Variants in CSMD1 observed in about 807,000 individuals in gnomAD.
The protein encoded by CSMD1 is CUB and sushi domain-containing protein 1.
Under a neutral mutation model 417.5 loss-of-function variants are expected in CSMD1, and 213 were observed. The observed-to-expected ratio is 0.51, with a 90% confidence interval of 0.46 to 0.57. The LOEUF (loss-of-function observed/expected upper bound fraction) is 0.57, where lower values mean the gene tolerates loss of function less well. CSMD1 is among the 20% of genes least tolerant of loss of function. The probability of loss-of-function intolerance (pLI) is 0.00; values close to 1 mark genes in which losing one functional copy is unlikely to be tolerated. For synonymous variants in CSMD1, 2,862 were observed against 1,736.8 expected, an observed-to-expected ratio of 1.65 and a Z score of -16.11; for missense variants, 6,923 against 4,529.7, an observed-to-expected ratio of 1.53 and a Z score of -15.17.
At chr8:3,622,366 T>A (rs945144722) in intron 7 of CSMD1, among the ~76,000 whole-genome samples, 1 of 152,238 alleles carries the variant, frequency 6.6e-6, no homozygotes, top group African/African-American at 2.4e-5. Flanking sequence ...GCTTGGTAGT[T>A]AATGCACTTT....
chr8:4,965,914 A>T (rs185592508), intron 1 of CSMD1, among the ~76,000 whole-genome samples: 1 of 152,288 alleles, frequency 6.6e-6, no homozygotes, highest in South Asian at 2.1e-4. Context: ...TTGAAGCAGG[A>T]TGTGTATGTA....
chr8:3,556,505 C>A (rs146726633), intron 10 of CSMD1, among the ~76,000 whole-genome samples: 50 of 126,214 alleles, frequency 4.0e-4, no homozygotes, highest in African/African-American at 1.6e-3. Flanking sequence ...ATACAAACTT[C>A]TTTTTCACAC....
At chr8:3,994,874 T>C (rs182306883) in intron 5 of CSMD1, among the ~76,000 whole-genome samples, 1 of 152,240 alleles carries the variant, frequency 6.6e-6, no homozygotes, top group East Asian at 1.9e-4. Context: ...CTTCTGAGAG[T>C]GCCCTTGCTT....
At chr8:2,949,416 T>A (rs199630799) in intron 67 of CSMD1, 30 bp from the exon 68 acceptor site, 59 of 200,052 alleles carry the variant, frequency 2.9e-4, no homozygotes, top group Non-Finnish European at 4.5e-4. Context: ...AGAAAAGAAA[T>A]AAAAAGGTAT....
chr8:4,188,094 G>C (rs1379404946), intron 3 of CSMD1, among the ~76,000 whole-genome samples: 1 of 152,044 alleles, frequency 6.6e-6, no homozygotes, highest in African/African-American at 2.4e-5. Flanking sequence ...CTGCTGGCAG[G>C]ATGCACGACA....
At chr8:4,124,228 G>C (rs539548524) in intron 3 of CSMD1, among the ~76,000 whole-genome samples, 12 of 152,268 alleles carry the variant, frequency 7.9e-5, no homozygotes, top group Admixed American at 1.3e-4. Context: ...TCCTGGGCAG[G>C]GGAGTGTGAG....
Position 3,540,754 on chromosome 8 carries a change from A to G in CSMD1, c.1344+34191T>C, listed in dbSNP as rs182235799. 5.3e-5 allele frequency among the ~76,000 whole-genome samples: 8 copies of G among 152,380 alleles called. No individual in the cohort carries two copies. The East Asian group carries it at 1.5e-3, about 29-fold the overall frequency. ...GAACAGACACTTCTCAAAAGAAGAC[A>G]TCCATGCAGTCAACAAACATGAAAA... On this transcript the variant is annotated intron_variant, in intron 10 of 69. Transcript: ENST00000635120.
At chr8:3,786,296 G>T (rs973996092) in intron 5 of CSMD1, among the ~76,000 whole-genome samples, 6 of 152,160 alleles carry the variant, frequency 3.9e-5, no homozygotes, top group African/African-American at 1.4e-4. Context: ...GAAGAGACCT[G>T]AGGGTGGAGA....
intron 3 of CSMD1, among the ~76,000 whole-genome samples, chr8:4,078,896 A>AAT (rs1173719388): frequency 0.032 from 1,368 of 42,514 alleles, 27 homozygotes; most frequent in African/African-American, 0.041. Context: ...AATAATAATA[A>AAT]ATATATATAT....
At chr8:2,970,693 A>G (rs1005673295) in intron 57 of CSMD1, among the ~76,000 whole-genome samples, 3 of 152,322 alleles carry the variant, frequency 2.0e-5, no homozygotes, top group Middle Eastern at 3.4e-3. Flanking sequence ...TGTGATCACT[A>G]CATAGAATCA....
chr8:3,179,280 G>C (rs538163039), intron 37 of CSMD1, among the ~76,000 whole-genome samples: 3 of 152,260 alleles, frequency 2.0e-5, no homozygotes, highest in African/African-American at 7.2e-5. Context: ...ATGAAGAATA[G>C]GAACAGAGAA....
At chr8:4,776,932 G>T (rs146597906) in intron 1 of CSMD1, among the ~76,000 whole-genome samples, 3 of 152,104 alleles carry the variant, frequency 2.0e-5, no homozygotes, top group East Asian at 1.9e-4. Context: ...AAGATTAAAG[G>T]CACTGGTGTT....
At chr8:4,429,973 G>T (rs5025174) in intron 2 of CSMD1, among the ~76,000 whole-genome samples, 1 of 151,932 alleles carries the variant, frequency 6.6e-6, no homozygotes, top group Non-Finnish European at 1.5e-5. Flanking sequence ...AGAATCCACT[G>T]GAAGCTGAGC....
At chr8:4,078,987 G>A (rs1417724436) in intron 3 of CSMD1, among the ~76,000 whole-genome samples, 1 of 143,004 alleles carries the variant, frequency 7.0e-6, no homozygotes, top group African/African-American at 2.7e-5. Flanking sequence ...CCACAATGTT[G>A]CATTAACAGT....
intron 25 of CSMD1, among the ~76,000 whole-genome samples, chr8:3,296,487 T>G (rs1434653719): frequency 1.3e-5 from 2 of 152,000 alleles, no homozygotes; most frequent in Admixed American, 1.3e-4. Context: ...ATGCGGGATT[T>G]TAAGGATGAT....
At chr8:3,925,469 G>A (rs1396474432) in intron 5 of CSMD1, among the ~76,000 whole-genome samples, 1 of 152,136 alleles carries the variant, frequency 6.6e-6, no homozygotes, top group East Asian at 1.9e-4. Context: ...AAAAGATAAC[G>A]TTCATAATGC....
chr8:4,622,487 G>A (rs1475462746), intron 2 of CSMD1, among the ~76,000 whole-genome samples: 1 of 152,156 alleles, frequency 6.6e-6, no homozygotes, highest in South Asian at 2.1e-4. Context: ...ATAATCAGAA[G>A]CAGAAATTAG....
chr8:4,508,091 A>G (rs1385030179), intron 2 of CSMD1, among the ~76,000 whole-genome samples: 6 of 143,206 alleles, frequency 4.2e-5, no homozygotes, highest in African/African-American at 1.6e-4. Flanking sequence ...AAAAATACCA[A>G]AAAAAAAAAA....
intron 5 of CSMD1, among the ~76,000 whole-genome samples, chr8:3,787,047 G>A (rs191038774): frequency 2.0e-4 from 30 of 152,214 alleles, no homozygotes; most frequent in Admixed American, 2.0e-3. Flanking sequence ...TGTGTGAAGT[G>A]TCATATTTAT....
Sources: allele counts gnomAD v4.1 joint callset (sites outside exome capture counted in the v4.1 genomes callset), GRCh38; gene constraint gnomAD v4.1.1; transcripts MANE v1.5; gene names NCBI Gene and HGNC (gene_info 2026-07-23, HGNC 2026-07-21).